DIPK2B: variants seen among roughly 807,000 people sequenced by gnomAD.
DIPK2B encodes the protein divergent protein kinase domain 2B.
A neutral mutation model predicts 22.2 loss-of-function variants in DIPK2B; 15 were observed. That is an observed-to-expected ratio of 0.68 (90% confidence interval 0.45 to 1.04). DIPK2B has a LOEUF of 1.04. Ranked by LOEUF, DIPK2B falls within the 50% of genes least tolerant of loss-of-function variation. The pLI, the probability that DIPK2B is intolerant of heterozygous loss-of-function variation, is 0.00. For missense variants in DIPK2B, 345 were observed against 348.3 expected (o/e 0.99, Z 0.08); for synonymous variants, 163 against 153.2 (o/e 1.06, Z -0.47).
At chrX:45,200,391 A>T (rs908483902) in intron 1 of DIPK2B, among the ~76,000 whole-genome samples, 16 of 112,167 alleles carry the variant, frequency 1.4e-4, no homozygotes, top group African/African-American at 4.5e-4. Flanking sequence ...GAAATGTTGG[A>T]TTTAGCATTT....
chrX:45,186,536 A>G (rs185714869), intron 2 of DIPK2B, among the ~76,000 whole-genome samples: 72 of 112,471 alleles, frequency 6.4e-4, no homozygotes, highest in African/African-American at 2.3e-3. Context: ...TGTGAAAATA[A>G]TACAGCCACC....
chrX:45,186,177 C>A (rs2047182641), intron 2 of DIPK2B, among the ~76,000 whole-genome samples: 1 of 111,946 alleles, frequency 8.9e-6, no homozygotes, highest in African/African-American at 3.3e-5. Flanking sequence ...GATTCAAAAT[C>A]TTAGTTGTTT....
At chrX:45,153,852 G>A in intron 4 of DIPK2B, 58 bp downstream of exon 4, 1 of 1,104,058 alleles carries the variant, frequency 9.1e-7, no homozygotes, top group South Asian at 2.0e-5. Context: ...CCCCTCCCTA[G>A]CTCCTGTCAC....
At chrX:45,152,728 C>T (rs1486740954) in intron 4 of DIPK2B, among the ~76,000 whole-genome samples, 2 of 110,870 alleles carry the variant, frequency 1.8e-5, no homozygotes, top group South Asian at 3.8e-4. Flanking sequence ...GTCAGGAGTT[C>T]GAGACCAGCC....
At chrX:45,197,120 T>C (rs1387397180) in intron 1 of DIPK2B, among the ~76,000 whole-genome samples, 1 of 111,825 alleles carries the variant, frequency 8.9e-6, no homozygotes, top group Non-Finnish European at 1.9e-5. Context: ...GACTAGGACC[T>C]GGCTGTAGCA....
Position 45,157,707 on chromosome X carries a change from C to T in DIPK2B, c.672+8G>A. 1 of 1,184,229 alleles carries T rather than the reference C, an allele frequency of 8.4e-7. No homozygotes were observed. On this transcript the variant is annotated splice_region_variant and intron_variant, in intron 3 of 4. Coordinates refer to ENST00000398000, the MANE Select transcript of DIPK2B (RefSeq NM_176819.4). ...CCAACCTAGAGGGCTTGCCAGGTCG[C>T]TGCATACCTGTAGGAGGATGGGGTG...
At chrX:45,159,209 C>G (rs1221278648) in intron 2 of DIPK2B, among the ~76,000 whole-genome samples, 2 of 111,463 alleles carry the variant, frequency 1.8e-5, no homozygotes, top group Non-Finnish European at 3.8e-5. Flanking sequence ...GAAGGTATCT[C>G]TGGGAGAGAT....
chrX:45,154,129 T>TGCTGAC lies in DIPK2B; in HGVS notation c.736_741dup (p.Val246_Ser247dup), dbSNP rs1353670824. The TGCTGAC allele has an allele frequency of 6.6e-6, 8 of 1,208,296 alleles. No homozygotes were observed. The highest frequency in any genetic ancestry group is 8.9e-6 in the Non-Finnish European group (8 of 894,781). Reference sequence around the variant, plus strand: ...AATTCCTGCAGCGGTCTGGTGCTGGTGCTGACGAGGAATCTGCCACAGGAG... The same window carrying TGCTGAC: ...AATTCCTGCAGCGGTCTGGTGCTGGTGCTGACGCTGACGAGGAATCTGCCACAGGAG... On this transcript the variant is annotated inframe_insertion, in exon 4 of 5. Transcript: ENST00000398000.
Position 45,149,802 on chromosome X carries a change from C to T in DIPK2B, c.*1850G>A, listed in dbSNP as rs1047403814. The T allele has an allele frequency of 2.7e-5, 3 of 112,862 alleles. No individual in the cohort carries two copies. Among genetic ancestry groups the T allele is most frequent in the African/African-American group, 9.7e-5 (3 of 30,982 alleles). The allele number at this position is 112,862 out of a possible 1,213,427, so 9.3% of individuals were successfully genotyped here. ...GCTTGCAGGGGTTCTAGAAATATCT[C>T]CACAGATCGCTCTTCCTCCCTGGGC... On this transcript the variant is annotated 3_prime_UTR_variant, in exon 5 of 5. Coordinates refer to ENST00000398000, the MANE Select transcript of DIPK2B (RefSeq NM_176819.4).
chrX:45,174,162 C>A (rs1224040694), intron 2 of DIPK2B, among the ~76,000 whole-genome samples: 1 of 111,482 alleles, frequency 9.0e-6, no homozygotes, highest in Non-Finnish European at 1.9e-5. Flanking sequence ...CCTTCGGGAC[C>A]ATTGCAGGGA....
rs776263670 is a variant in DIPK2B, at chrX:45,154,016, A to G, written c.855T>C (p.Tyr285=). The G allele has an allele frequency of 4.6e-5, 56 of 1,209,006 alleles. No homozygotes were observed. In the South Asian group the frequency reaches 9.3e-4, roughly 20 times the overall value. Residue 285 remains tyrosine, a synonymous_variant, in exon 4 of 5, where the codon TAT becomes TAC. Coordinates refer to ENST00000398000, the MANE Select transcript of DIPK2B (RefSeq NM_176819.4). The part of the protein sequence containing the change: ...LESLRSNDLN[Y]FFYFTHIDAG... ...CATCAATGTGGGTGAAGTAGAAGAA[A>G]TAGTTCAAATCGTTGCTCCTCAAAG...
At chrX:45,153,819 C>T in intron 4 of DIPK2B, 91 bp downstream of exon 4, 1 of 776,064 alleles carries the variant, frequency 1.3e-6, no homozygotes, top group Non-Finnish European at 1.9e-6. Flanking sequence ...ATGGGAAAGG[C>T]CCAATAGCAT....
At chrX:45,154,241 G>A in intron 3 of DIPK2B, 43 bp from the exon 4 acceptor site, 1 of 1,081,456 alleles carries the variant, frequency 9.2e-7, no homozygotes, top group Non-Finnish European at 1.2e-6. Context: ...AAAATCTGGT[G>A]ACAGCTCTCT....
At position 45,154,179 on chromosome X, in the gene DIPK2B, C is replaced by A. The variant is rs774731596; in HGVS notation, c.692G>T (p.Gly231Val). The change falls in exon 4 of 5, where the codon GGA becomes GTA. Residue 231 changes from glycine (G) to valine (V), a missense_variant. Coordinates refer to ENST00000398000, the MANE Select transcript of DIPK2B (RefSeq NM_176819.4). ...ILLQIFPGAE[G>V]WPLPKYLGSC... ...GCCCAGGTACTTGGGCAGCGGCCAT[C>A]CCTCAGCCCCAGGGAAGATCTGCCA... 1.7e-6 allele frequency: 2 copies of A among 1,203,655 alleles called. No individual in the cohort carries two copies. The highest frequency in any genetic ancestry group is 5.9e-5 in the East Asian group (2 of 33,647).
chrX:45,158,132 G>A (rs1371725561), intron 2 of DIPK2B, among the ~76,000 whole-genome samples: 1 of 96,621 alleles, frequency 1.0e-5, no homozygotes, highest in African/African-American at 3.8e-5. Context: ...AGAGGGGCCA[G>A]AGCACTTTTC....
chrX:45,157,399 C>G (rs1434734523), intron 3 of DIPK2B, among the ~76,000 whole-genome samples: 1 of 111,743 alleles, frequency 8.9e-6, no homozygotes, highest in Non-Finnish European at 1.9e-5. Context: ...GAGCTCGGCC[C>G]CATCTGACTA....
chrX:45,193,783 G>A (rs781782336), intron 1 of DIPK2B, among the ~76,000 whole-genome samples: 3 of 112,110 alleles, frequency 2.7e-5, no homozygotes, highest in African/African-American at 9.7e-5. Context: ...TTTACTGGAA[G>A]TTTCAGGACA....
At chrX:45,154,709 T>A (rs2148333235) in intron 3 of DIPK2B, among the ~76,000 whole-genome samples, 1 of 112,229 alleles carries the variant, frequency 8.9e-6, no homozygotes, top group East Asian at 2.8e-4. Context: ...GTTGCATAGT[T>A]GAAACAAATA....
chrX:45,198,539 T>C (rs2047252138), intron 1 of DIPK2B, among the ~76,000 whole-genome samples: 1 of 111,360 alleles, frequency 9.0e-6, no homozygotes, highest in Non-Finnish European at 1.9e-5. Context: ...GATGAAGTAA[T>C]ATCCTGGACT....
Sources: gnomAD v4.1 joint callset for allele counts (sites outside exome capture counted in the v4.1 genomes callset) on GRCh38, gnomAD v4.1.1 for gene constraint, MANE v1.5 for transcripts, NCBI Gene and HGNC (gene_info 2026-07-23, HGNC 2026-07-21) for gene names.